Variants in HPSE2 observed in about 807,000 individuals in gnomAD.
HPSE2 encodes the protein inactive heparanase-2.
HPSE2 carries 38 observed loss-of-function variants against 60.5 expected under a neutral mutation model. The observed-to-expected ratio is 0.63, with a 90% CI of 0.48 to 0.82. HPSE2 has a LOEUF of 0.82. HPSE2 is among the 40% of genes least tolerant of loss of function. The pLI, the probability that HPSE2 is intolerant of heterozygous loss-of-function variation, is 0.00. For missense variants in HPSE2, 713 were observed against 740.4 expected, an observed-to-expected ratio of 0.96 and a Z score of 0.43; for synonymous variants, 295 against 293.2, an observed-to-expected ratio of 1.01 and a Z score of -0.06.
chr10:98,829,462 A>C (rs2134646113), intron 3 of HPSE2, among the ~76,000 whole-genome samples: 1 of 152,166 alleles, frequency 6.6e-6, no homozygotes, highest in East Asian at 1.9e-4. Flanking sequence ...TGGAGGTTGC[A>C]GTGAGCCAAG....
At chr10:99,160,847 C>T (rs1010158923) in intron 2 of HPSE2, among the ~76,000 whole-genome samples, 1 of 135,026 alleles carries the variant, frequency 7.4e-6, no homozygotes, top group Non-Finnish European at 1.5e-5. Context: ...TGCAGTGAGC[C>T]GAGATCCCGC....
At chr10:98,513,260 T>C (rs189956744) in intron 9 of HPSE2, among the ~76,000 whole-genome samples, 2 of 152,102 alleles carry the variant, frequency 1.3e-5, no homozygotes, top group Admixed American at 1.3e-4. Flanking sequence ...TAATAAACTT[T>C]GAAAAAAATT....
At chr10:98,913,354 A>G (rs2135030150) in intron 3 of HPSE2, among the ~76,000 whole-genome samples, 1 of 152,280 alleles carries the variant, frequency 6.6e-6, no homozygotes, top group Admixed American at 6.5e-5. Context: ...TTGAAAGTCA[A>G]TCAACACTTT....
chr10:99,179,775 T>C (rs1432780045), intron 2 of HPSE2, among the ~76,000 whole-genome samples: 2 of 150,428 alleles, frequency 1.3e-5, no homozygotes, highest in African/African-American at 4.9e-5. Context: ...AAACTTCATA[T>C]GAAACCAAAA....
At chr10:99,313,592 A>G in the HPSE2 span, among the ~76,000 whole-genome samples, 54 of 84,634 alleles carry the variant, frequency 6.4e-4, no homozygotes, top group African/African-American at 2.6e-3. Flanking sequence ...ACTGACTCCA[A>G]TTTTTTTTTT....
chr10:98,621,079 T>C (rs1470474458), intron 7 of HPSE2, among the ~76,000 whole-genome samples: 4 of 152,090 alleles, frequency 2.6e-5, no homozygotes, highest in African/African-American at 7.2e-5. Context: ...GTCTCTCTTA[T>C]AGCACATCTA....
chr10:98,891,598 T>C (rs1454231505), intron 3 of HPSE2, among the ~76,000 whole-genome samples: 3 of 151,868 alleles, frequency 2.0e-5, no homozygotes, highest in East Asian at 1.9e-4. Context: ...ATTAGGCATG[T>C]ACCACCATGC....
At chr10:99,085,533 A>G (rs1459864490) in intron 3 of HPSE2, among the ~76,000 whole-genome samples, 2 of 152,190 alleles carry the variant, frequency 1.3e-5, no homozygotes, top group African/African-American at 4.8e-5. Context: ...AGTCCCTTCT[A>G]TGACATCCAT....
chr10:98,667,399 C>T (rs758801350), intron 6 of HPSE2, among the ~76,000 whole-genome samples: 15 of 151,968 alleles, frequency 9.9e-5, no homozygotes, highest in Admixed American at 3.9e-4. Context: ...AAAATAAAGG[C>T]GGAGGATCTC....
At position 99,094,867 on chromosome 10, in the gene HPSE2, T is replaced by C. The variant is rs545817936; in HGVS notation, c.610+49371A>G. ...CCTCCACACCAGGCCAAATACCTTA[T>C]TTTTTTATCTCTTAAATTTCCGCTT... On this transcript the variant is annotated intron_variant, in intron 3 of 11. Transcript: ENST00000370552. Among the ~76,000 whole-genome samples, 4 of 151,808 alleles carry C rather than the reference T, an allele frequency of 2.6e-5. No homozygotes were observed. In the South Asian group the frequency reaches 8.4e-4, roughly 32 times the overall value.
At chr10:99,144,205 C>T (rs780202551) in intron 3 of HPSE2, 33 bp downstream of exon 3, 1 of 1,609,844 alleles carries the variant, frequency 6.2e-7, no homozygotes, top group South Asian at 1.1e-5. Context: ...TAACTGAATG[C>T]TCTAAGATTT....
chr10:98,533,815 G>A (rs1487184189), intron 9 of HPSE2, among the ~76,000 whole-genome samples: 1 of 152,118 alleles, frequency 6.6e-6, no homozygotes, highest in Non-Finnish European at 1.5e-5. Flanking sequence ...CCCTTTCATG[G>A]GGACTTTAAA....
At chr10:98,848,545 T>C (rs1274125081) in intron 3 of HPSE2, among the ~76,000 whole-genome samples, 1 of 152,210 alleles carries the variant, frequency 6.6e-6, no homozygotes, top group Non-Finnish European at 1.5e-5. Flanking sequence ...TTACTGTTTA[T>C]ATTCTGGTAA....
intron 3 of HPSE2, among the ~76,000 whole-genome samples, chr10:98,960,726 A>ATTT (rs68091060): frequency 4.9e-5 from 5 of 102,600 alleles, no homozygotes; most frequent in African/African-American, 1.6e-4. Flanking sequence ...TTTTTGTTTT[A>ATTT]TTTTTTTTAT....
chr10:99,232,498 G>T lies in HPSE2; in HGVS notation c.298C>A (p.Arg100Ser). 1.9e-6 allele frequency: 3 copies of T among 1,553,880 alleles called. No individual in the cohort carries two copies. The highest frequency in any genetic ancestry group is 2.1e-4 in the Middle Eastern group (1 of 4,824). ...AGTCCCCGGGCCAGGGTCACCAAGC[G>T]CTTGGAGCTGCAGAGGAAGAGAATA... ...DGWLDFLSSK[R>S]LVTLARGLSP... The change falls in exon 2 of 12, where the codon CGC becomes AGC. Residue 100 changes from arginine (R) to serine (S), a missense_variant. Coordinates refer to ENST00000370552, the MANE Select transcript of HPSE2 (RefSeq NM_021828.5).
In HPSE2 at chr10:98,909,569, G is replaced by T. The variant is rs112728334; in HGVS notation, c.611-165513C>A. Among the ~76,000 whole-genome samples, 430 of 151,428 alleles carry T rather than the reference G, an allele frequency of 2.8e-3. 4 individuals are homozygous for T. The highest frequency in any genetic ancestry group is 9.9e-3 in the African/African-American group (407 of 41,264). ...CGCTTGAACTCAGGAGGTGGAGGTTGCAGTGAGCCGAGATCGCGCCACTGC... is the reference window on the plus strand; with the variant it reads ...CGCTTGAACTCAGGAGGTGGAGGTTTCAGTGAGCCGAGATCGCGCCACTGC... On this transcript the variant is annotated intron_variant, in intron 3 of 11. Coordinates refer to ENST00000370552, the MANE Select transcript of HPSE2 (RefSeq NM_021828.5).
intron 3 of HPSE2, among the ~76,000 whole-genome samples, chr10:98,866,256 T>G (rs1952585011): frequency 6.6e-6 from 1 of 152,030 alleles, no homozygotes; most frequent in Admixed American, 6.6e-5. Flanking sequence ...AACAGTAGAT[T>G]AGACAATGCA....
At chr10:98,685,261 TC>T (rs1395565856) in intron 6 of HPSE2, among the ~76,000 whole-genome samples, 6 of 152,198 alleles carry the variant, frequency 3.9e-5, no homozygotes, top group Non-Finnish European at 7.3e-5. Flanking sequence ...TATTTATGGT[TC>T]TTTTTCTTAT....
At chr10:99,267,361 T>A in the HPSE2 span, among the ~76,000 whole-genome samples, 1 of 151,726 alleles carries the variant, frequency 6.6e-6, no homozygotes, top group Non-Finnish European at 1.5e-5. Context: ...AGCAATAGAA[T>A]CAAACAAGCA....
Sources: gnomAD v4.1 joint callset for allele counts (sites outside exome capture counted in the v4.1 genomes callset) on GRCh38, gnomAD v4.1.1 for gene constraint, MANE v1.5 for transcripts, NCBI Gene and HGNC (gene_info 2026-07-23, HGNC 2026-07-21) for gene names.